The following ANKRD13A variants were observed in gnomAD, a reference collection of about 807,000 sequenced individuals.
The protein encoded by ANKRD13A is ankyrin repeat domain-containing protein 13A.
ANKRD13A carries 48 observed loss-of-function variants against 81.3 expected under a neutral mutation model. That is an observed-to-expected ratio of 0.59 (90% CI 0.47 to 0.75). ANKRD13A has a LOEUF of 0.75. Among genes scored for constraint, ANKRD13A ranks in the 30% least tolerant of loss-of-function variants. ANKRD13A has a pLI of 0.00. For synonymous variants in ANKRD13A, 230 were observed against 270.1 expected, an observed-to-expected ratio of 0.85 and a Z score of 1.45; for missense variants, 612 against 734.0, an observed-to-expected ratio of 0.83 and a Z score of 1.92.
chr12:110,029,641 G>GCTAAATAAACTTCAGTAC lies in ANKRD13A; in HGVS notation c.1234+21_1234+22insTACCTAAATAAACTTCAG. 6.2e-7 allele frequency: 1 copy of GCTAAATAAACTTCAGTAC among 1,609,386 alleles called. No individual in the cohort carries two copies. The highest frequency in any genetic ancestry group is 1.1e-5 in the South Asian group (1 of 91,012). ...TGGATTTCCTGTCAAAATAGGTACT[G>GCTAAATAAACTTCAGTAC]CTAAATAAACTTCAGCAACACTTGG... On this transcript the variant is annotated splice_region_variant and intron_variant, in intron 11 of 14. Coordinates refer to ENST00000261739, the MANE Select transcript of ANKRD13A (RefSeq NM_033121.2).
intron 1 of ANKRD13A, among the ~76,000 whole-genome samples, chr12:110,007,743 A>G (rs928547255): frequency 8.5e-5 from 13 of 152,226 alleles, no homozygotes; most frequent in South Asian, 2.1e-4. Flanking sequence ...TTTTATATTT[A>G]TTGTGTCATA....
intron 13 of ANKRD13A, 78 bp downstream of exon 13, chr12:110,034,035 TGAAA>T: frequency 7.4e-7 from 1 of 1,347,344 alleles, no homozygotes; most frequent in Non-Finnish European, 9.8e-7. Flanking sequence ...TTGGCTAATC[TGAAA>T]GATTTATTCT....
rs1891860769 is a variant in ANKRD13A, at chr12:110,033,868, A to G, written c.1420A>G (p.Asn474Asp). Residue 474 changes from asparagine to aspartate, a missense_variant, in exon 13 of 15, where the codon AAT (asparagine) becomes GAT (aspartate). Transcript: ENST00000261739. ...TCCCGAATCTTACTATGTTCAAGACAATGGCAGAAATGTGCATTTGCAAGA... is the reference window on the plus strand; with the variant it reads ...TCCCGAATCTTACTATGTTCAAGACGATGGCAGAAATGTGCATTTGCAAGA... ...EIPESYYVQDNGRNVHLQDED... is the reference protein window; with the variant it reads ...EIPESYYVQDDGRNVHLQDED... 10 of 1,613,686 alleles carry G rather than the reference A, an allele frequency of 6.2e-6. No homozygotes were observed. The highest frequency in any genetic ancestry group is 1.3e-5 in the African/African-American group (1 of 75,034).
At chr12:110,012,917 A>C (rs552788550) in intron 2 of ANKRD13A, among the ~76,000 whole-genome samples, 1 of 152,252 alleles carries the variant, frequency 6.6e-6, no homozygotes, top group East Asian at 1.9e-4. Flanking sequence ...GGAGAGGTGG[A>C]CGGGGTTTGA....
chr12:110,004,971 C>T (rs1467839552), intron 1 of ANKRD13A, among the ~76,000 whole-genome samples: 1 of 151,654 alleles, frequency 6.6e-6, no homozygotes, highest in Non-Finnish European at 1.5e-5. Context: ...ATGAGAGATT[C>T]GTTTTATGTA....
At chr12:110,033,770 A>G in intron 12 of ANKRD13A, 27 bp from the exon 13 acceptor site, 1 of 1,574,272 alleles carries the variant, frequency 6.4e-7, no homozygotes, top group Non-Finnish European at 8.6e-7. Context: ...ATGAACTCAG[A>G]CACTGGACGG....
At chr12:110,012,223 G>A in intron 2 of ANKRD13A, 86 bp downstream of exon 2, 1 of 1,425,668 alleles carries the variant, frequency 7.0e-7, no homozygotes, top group Non-Finnish European at 9.4e-7. Context: ...AAATTAGCCA[G>A]GTGCGGTGGT....
At chr12:110,027,091 T>C (rs973622735) in intron 8 of ANKRD13A, 2 of 152,452 alleles carry the variant, frequency 1.3e-5, no homozygotes, top group African/African-American at 4.8e-5. Context: ...ACTATTGTGA[T>C]GAAAGATTTA....
chr12:110,035,843 G>C (rs1052791163), intron 13 of ANKRD13A, among the ~76,000 whole-genome samples: 1 of 152,006 alleles, frequency 6.6e-6, no homozygotes, highest in African/African-American at 2.4e-5. Flanking sequence ...TTGTGCCCTG[G>C]GGTCAAGGCT....
At position 110,037,395 on chromosome 12, in the gene ANKRD13A, C is replaced by A; in HGVS notation, c.1614C>A (p.Gly538=). 1.2e-6 allele frequency: 2 copies of A among 1,614,204 alleles called. No individual in the cohort carries two copies. The highest frequency in any genetic ancestry group is 1.7e-6 in the Non-Finnish European group (2 of 1,180,026). Residue 538 remains glycine, a synonymous_variant, in exon 15 of 15, where the codon GGC becomes GGA. Transcript: ENST00000261739. ...AGAGCCTCCTCACCAGCACAGAAGG[C>A]CTGTGCCCCAGCGCCCTGAGCGAGA... The part of the protein sequence containing the change: ...IQESLLTSTE[G]LCPSALSETS...
intron 6 of ANKRD13A, among the ~76,000 whole-genome samples, chr12:110,022,872 A>G (rs1440983743): frequency 6.6e-6 from 1 of 152,180 alleles, no homozygotes; most frequent in Non-Finnish European, 1.5e-5. Flanking sequence ...CTCTGTTTCC[A>G]TCCACGGGTT....
intron 1 of ANKRD13A, among the ~76,000 whole-genome samples, chr12:110,002,571 G>A (rs1384311067): frequency 6.6e-6 from 1 of 152,160 alleles, no homozygotes; most frequent in Non-Finnish European, 1.5e-5. Context: ...AGCCAAGATC[G>A]TGCCACTGCA....
At chr12:110,011,515 G>A (rs1382057703) in intron 1 of ANKRD13A, among the ~76,000 whole-genome samples, 1 of 152,148 alleles carries the variant, frequency 6.6e-6, no homozygotes, top group Non-Finnish European at 1.5e-5. Context: ...TAATGAGAGT[G>A]GTGTTTTGGT....
intron 3 of ANKRD13A, among the ~76,000 whole-genome samples, chr12:110,013,700 G>C (rs1184131763): frequency 6.6e-6 from 1 of 152,118 alleles, no homozygotes; most frequent in African/African-American, 2.4e-5. Flanking sequence ...GAACCCAGAA[G>C]GTTGAGGCTG....
At position 110,025,806 on chromosome 12, in the gene ANKRD13A, A is replaced by G. The variant is rs1891287050; in HGVS notation, c.866A>G (p.Glu289Gly). The G allele has an allele frequency of 3.1e-6, 5 of 1,612,438 alleles. No homozygotes were observed. In the South Asian group the frequency reaches 3.3e-5, roughly 11 times the overall value. The change falls in exon 8 of 15, where the codon GAA becomes GGA. Residue 289 changes from glutamate to glycine, a missense_variant. Coordinates refer to ENST00000261739, the MANE Select transcript of ANKRD13A (RefSeq NM_033121.2). ...CGCACAGAACATCTGACCGAGGAGG[A>G]AAAAAAGAGATATAAAGGTAATCAC... ...KIRTEHLTEE[E>G]KKRYKADRNP...
chr12:110,038,842 C>T lies in ANKRD13A; in HGVS notation c.*1288C>T, dbSNP rs530677923. The stretch of plus-strand genomic sequence containing the variant: ...CTGGGGAATACAGCCAAGGGCACTG[C>T]TCACTGTGGCCCGTGTATTCATTCC... On this transcript the variant is annotated 3_prime_UTR_variant, in exon 15 of 15. Coordinates refer to ENST00000261739, the MANE Select transcript of ANKRD13A (RefSeq NM_033121.2). 1 of 152,312 alleles carries T rather than the reference C, an allele frequency of 6.6e-6. No individual in the cohort carries two copies. The highest frequency in any genetic ancestry group is 6.5e-5 in the Admixed American group (1 of 15,298). The allele number at this position is 152,312 out of a possible 1,614,324, so 9.4% of individuals were successfully genotyped here. A position where few individuals can be genotyped will look rare whatever the true frequency, so the allele number is the denominator to read the frequency against.
intron 12 of ANKRD13A, among the ~76,000 whole-genome samples, chr12:110,033,403 C>T (rs1384684738): frequency 1.3e-5 from 2 of 151,930 alleles, no homozygotes; most frequent in East Asian, 3.9e-4. Context: ...GTGAAGGGCA[C>T]ACAGGCATTT....
chr12:110,031,663 T>C (rs1294002496), intron 12 of ANKRD13A, among the ~76,000 whole-genome samples: 2 of 152,172 alleles, frequency 1.3e-5, no homozygotes, highest in Non-Finnish European at 2.9e-5. Flanking sequence ...AATGTATGCA[T>C]CTGTGTAACC....
At chr12:110,024,776 G>A (rs1453331908) in intron 7 of ANKRD13A, among the ~76,000 whole-genome samples, 1 of 152,184 alleles carries the variant, frequency 6.6e-6, no homozygotes, top group Non-Finnish European at 1.5e-5. Context: ...ATAGTGCTGA[G>A]TGTGTTTTCT....
Sources: allele counts gnomAD v4.1 joint callset (sites outside exome capture counted in the v4.1 genomes callset), GRCh38; gene constraint gnomAD v4.1.1; transcripts MANE v1.5; gene names NCBI Gene and HGNC (gene_info 2026-07-23, HGNC 2026-07-21).